RPS6KA6: variants seen among roughly 807,000 people sequenced by gnomAD.
RPS6KA6 encodes the protein ribosomal protein S6 kinase A6.
Under a neutral mutation model 65.4 loss-of-function variants are expected in RPS6KA6, and 27 were observed. The observed-to-expected ratio is 0.41, with a 90% confidence interval of 0.30 to 0.57. The LOEUF is 0.57. Ranked by LOEUF, RPS6KA6 falls within the 20% of genes least tolerant of loss-of-function variation. RPS6KA6 has a pLI of 0.24. For missense variants in RPS6KA6, 486 were observed against 555.6 expected, an observed-to-expected ratio of 0.87 and a Z score of 1.26; for synonymous variants, 190 against 184.2, an observed-to-expected ratio of 1.03 and a Z score of -0.26.
chrX:84,104,205 C>T (rs771823148), intron 17 of RPS6KA6, among the ~76,000 whole-genome samples: 56 of 111,036 alleles, frequency 5.0e-4, no homozygotes, highest in African/African-American at 1.4e-3. Flanking sequence ...TTGGTTAATT[C>T]TTTTATGTTT....
chrX:84,175,684 A>G (rs2035754978), intron 1 of RPS6KA6, among the ~76,000 whole-genome samples: 1 of 111,643 alleles, frequency 9.0e-6, no homozygotes, highest in Non-Finnish European at 1.9e-5. Context: ...CCACAGGAGT[A>G]TGGAATTAAA....
At chrX:84,134,565 A>T (rs1033136724) in intron 8 of RPS6KA6, among the ~76,000 whole-genome samples, 3 of 111,373 alleles carry the variant, frequency 2.7e-5, no homozygotes, top group African/African-American at 9.7e-5. Flanking sequence ...ATCATTTCTT[A>T]TTCAGGATAA....
At chrX:84,097,641 A>G (rs2034182116) in intron 19 of RPS6KA6, 131 bp downstream of exon 19, 4 of 394,271 alleles carry the variant, frequency 1.0e-5, no homozygotes, top group Non-Finnish European at 4.4e-6. Flanking sequence ...ATGTGTAACA[A>G]TCAATATTAA....
chrX:84,066,678 C>T (rs1326364064), intron 20 of RPS6KA6, among the ~76,000 whole-genome samples: 10 of 111,421 alleles, frequency 9.0e-5, no homozygotes, highest in East Asian at 2.9e-4. Context: ...CAACTGTGGG[C>T]GCAGCTTCAG....
rs368515757 is a variant in RPS6KA6 at position 84,096,203 on chromosome X, G to T, written c.1962C>A (p.Asp654Glu). The change falls in exon 20 of 22, where the codon GAC (aspartate) becomes GAA (glutamate). Residue 654 changes from aspartate to glutamate, a missense_variant. Physicochemically the swap from Asp to Glu is conservative, Grantham distance 45. Around this residue, in one of 3 missense-constraint regions of RPS6KA6, gnomAD observed 345 missense variants for 375.0 expected, o/e 0.92. Transcript: ENST00000262752. ...ACATTATAATTTATACCTTTGCTCC[G>T]TCTGAAATATTGTCCCAGTTTCCAC... ...LSGGNWDNIS[D>E]GAKDLLSHML... The T allele has an allele frequency of 8.7e-7, 1 of 1,145,614 alleles. No individual in the cohort carries two copies. Among genetic ancestry groups the T allele is most frequent in the Non-Finnish European group, 1.2e-6 (1 of 836,101 alleles). 94.4% of individuals were successfully genotyped at this position (1,145,614 alleles called of 1,213,427 possible).
intron 1 of RPS6KA6, among the ~76,000 whole-genome samples, chrX:84,173,134 T>C (rs1227927840): frequency 9.0e-6 from 1 of 110,881 alleles, no homozygotes; most frequent in Non-Finnish European, 1.9e-5. Context: ...TATTTATATA[T>C]ATAAGACAAT....
chrX:84,166,933 T>A (rs2035605180), intron 1 of RPS6KA6, among the ~76,000 whole-genome samples: 1 of 111,312 alleles, frequency 9.0e-6, no homozygotes, highest in Non-Finnish European at 1.9e-5. Context: ...TCTATCTCAC[T>A]AAAGCTGTAT....
At chrX:84,144,796 TAAAC>T (rs1440495410) in intron 6 of RPS6KA6, among the ~76,000 whole-genome samples, 5 of 110,946 alleles carry the variant, frequency 4.5e-5, no homozygotes, top group African/African-American at 1.6e-4. Flanking sequence ...AAGTGAATGA[TAAAC>T]AAATCATGAT....
chrX:84,093,288 T>C (rs2034085431), intron 20 of RPS6KA6, among the ~76,000 whole-genome samples: 1 of 111,947 alleles, frequency 8.9e-6, no homozygotes, highest in Admixed American at 9.5e-5. Context: ...GGGCAGCAAA[T>C]GTCACAGTTC....
chrX:84,064,393 C>T lies in RPS6KA6; in HGVS notation c.2122G>A (p.Val708Ile), dbSNP rs753321069. Residue 708 changes from valine to isoleucine, a missense_variant, in exon 22 of 22, where the codon GTT becomes ATT. Physicochemically the swap from Val to Ile is conservative, Grantham distance 29. Coordinates refer to ENST00000262752, the MANE Select transcript of RPS6KA6 (RefSeq NM_014496.5). The part of the protein sequence containing the change: ...DVSHVVKGAM[V>I]ATYSALTHKT... ...TGAGTCAGGGCAGAGTATGTTGCAA[C>T]CATTGCTCCCTAAAGTAATGAGAAA... The T allele has an allele frequency of 7.6e-6, 9 of 1,191,735 alleles. No homozygotes were observed. Among genetic ancestry groups the T allele is most frequent in the African/African-American group, 1.8e-5 (1 of 55,707 alleles).
Position 84,116,957 on chromosome X carries a change from G to T in RPS6KA6, c.949+103C>A, listed in dbSNP as rs374353594. The T allele has an allele frequency of 4.7e-5, 23 of 493,178 alleles. No homozygotes were observed. The African/African-American group carries it at 5.7e-4, about 12-fold the overall frequency. The allele number at this position is 493,178 out of a possible 1,213,427, so 40.6% of individuals were successfully genotyped here. On this transcript the variant is annotated intron_variant, in intron 11 of 21. Coordinates refer to ENST00000262752, the MANE Select transcript of RPS6KA6 (RefSeq NM_014496.5). The stretch of plus-strand genomic sequence containing the variant: ...GCACACACAAAATGAAAAATTCTAC[G>T]TATAGAAGTAATGTGCTCAAATCAA...
Position 84,104,279 on chromosome X carries a change from C to T in RPS6KA6, c.1614+220G>A, listed in dbSNP as rs185067866. ...TTAGGTACATTTATATAATTCAAAC[C>T]GCTTTTTAAATGAATATGCTATTAA... On this transcript the variant is annotated intron_variant, in intron 17 of 21. Coordinates refer to ENST00000262752, the MANE Select transcript of RPS6KA6 (RefSeq NM_014496.5). 2.1e-4 allele frequency among the ~76,000 whole-genome samples: 23 copies of T among 110,915 alleles called. 1 individual carries two copies. The highest frequency in any genetic ancestry group is 7.5e-4 in the African/African-American group (23 of 30,734).
intron 1 of RPS6KA6, among the ~76,000 whole-genome samples, chrX:84,170,522 G>A (rs1198704678): frequency 2.7e-5 from 3 of 109,439 alleles, no homozygotes; most frequent in South Asian, 7.9e-4. Context: ...CCCAGCTACT[G>A]GGGAGGCTGA....
intron 13 of RPS6KA6, among the ~76,000 whole-genome samples, chrX:84,107,313 A>G (rs1044397060): frequency 8.9e-6 from 1 of 111,814 alleles, no homozygotes; most frequent in African/African-American, 3.2e-5. Context: ...TGTAAAAGAC[A>G]GAGTAATATA....
intron 8 of RPS6KA6, among the ~76,000 whole-genome samples, chrX:84,130,771 C>T (rs995549870): frequency 9.0e-6 from 1 of 111,309 alleles, no homozygotes; most frequent in African/African-American, 3.3e-5. Context: ...ATACTGTATG[C>T]CTCTGTTCAT....
In RPS6KA6 at chrX:84,091,739, C is replaced by T. The variant is rs192639242; in HGVS notation, c.1971+4455G>A. 3.6e-3 allele frequency among the ~76,000 whole-genome samples: 398 copies of T among 111,720 alleles called. 2 individuals carry two copies. The highest frequency in any genetic ancestry group is 0.023 in the East Asian group (83 of 3,562). On this transcript the variant is annotated intron_variant, in intron 20 of 21. Coordinates refer to ENST00000262752, the MANE Select transcript of RPS6KA6 (RefSeq NM_014496.5). ...TCATTCTATTATGAAGATACATGCA[C>T]GTGTATGTTCACTGCAGCAGTATTC...
chrX:84,067,743 A>G (rs1379370511), intron 20 of RPS6KA6, among the ~76,000 whole-genome samples: 1 of 111,641 alleles, frequency 9.0e-6, no homozygotes, highest in African/African-American at 3.3e-5. Context: ...ACATGCCAAC[A>G]TTCAAATTCA....
Position 84,086,954 on chromosome X carries a change from T to C in RPS6KA6, c.1971+9240A>G, listed in dbSNP as rs193068414. Among the ~76,000 whole-genome samples the C allele has an allele frequency of 9.5e-4, 106 of 111,311 alleles. 1 individual carries two copies. In the South Asian group the frequency reaches 0.01, roughly 11 times the overall value. On this transcript the variant is annotated intron_variant, in intron 20 of 21. Transcript: ENST00000262752. ...TCTTTTGATTTTTTAAAGTGTATTT[T>C]GTCAGAAACTAGGATTGCAACCCCT...
intron 20 of RPS6KA6, among the ~76,000 whole-genome samples, chrX:84,068,546 A>T (rs914288836): frequency 3.6e-5 from 4 of 112,013 alleles, no homozygotes; most frequent in Non-Finnish European, 7.5e-5. Flanking sequence ...ATTCCTATTC[A>T]TCATAGTATT....
Sources: allele counts gnomAD v4.1 joint callset (sites outside exome capture counted in the v4.1 genomes callset), GRCh38; gene constraint gnomAD v4.1.1; regional missense constraint gnomAD v4.1.1; transcripts MANE v1.5; gene names NCBI Gene and HGNC (gene_info 2026-07-23, HGNC 2026-07-21).